The following MAPKAP1 variants were observed in gnomAD, a reference collection of about 807,000 sequenced individuals.
MAPKAP1 encodes the protein MAPK associated protein 1, also known as target of rapamycin complex 2 subunit MAPKAP1.
MAPKAP1 carries 20 observed loss-of-function variants against 65.7 expected under a neutral mutation model. That is an observed-to-expected ratio of 0.30 (90% CI 0.21 to 0.44). The LOEUF (loss-of-function observed/expected upper bound fraction) is 0.44, where lower values mean the gene tolerates loss of function less well. MAPKAP1 is among the 20% of genes least tolerant of loss of function. MAPKAP1 has a pLI of 1.00. For missense variants in MAPKAP1, 423 were observed against 648.0 expected (o/e 0.65, Z 3.77); for synonymous variants, 222 against 244.3 (o/e 0.91, Z 0.85).
chr9:125,545,031 C>A (rs1334656218), intron 6 of MAPKAP1, among the ~76,000 whole-genome samples: 1 of 152,220 alleles, frequency 6.6e-6, no homozygotes, highest in Non-Finnish European at 1.5e-5. Context: ...CGATGCTGGT[C>A]TGGCCAGCAC....
chr9:125,677,815 A>G (rs941582654), intron 1 of MAPKAP1, among the ~76,000 whole-genome samples: 1 of 152,188 alleles, frequency 6.6e-6, no homozygotes, highest in Non-Finnish European at 1.5e-5. Flanking sequence ...ACTTTTTAAC[A>G]CCACGTTCTT....
Position 125,672,361 on chromosome 9 carries a change from T to C in MAPKAP1, c.214A>G (p.Ile72Val). 6.2e-7 allele frequency: 1 copy of C among 1,614,218 alleles called. No individual in the cohort carries two copies. Among genetic ancestry groups the C allele is most frequent in the Non-Finnish European group, 8.5e-7 (1 of 1,180,038 alleles). ...ATACCAAAGTCCCAACTTGAGGTAATATCGACTGACTGGGCATATACATAG... is the reference window on the plus strand; with the variant it reads ...ATACCAAAGTCCCAACTTGAGGTAACATCGACTGACTGGGCATATACATAG... Reference protein sequence around the residue: ...QGYVYAQSVDITSSWDFGIRR... With the variant: ...QGYVYAQSVDVTSSWDFGIRR... The change falls in exon 2 of 12, where the codon ATT becomes GTT. Residue 72 changes from isoleucine to valine, a missense_variant. Ile to Val is a conservative substitution (Grantham distance 29, BLOSUM62 3). Transcript: ENST00000265960.
At chr9:125,492,937 T>A (rs1165467460) in intron 8 of MAPKAP1, among the ~76,000 whole-genome samples, 1 of 152,208 alleles carries the variant, frequency 6.6e-6, no homozygotes, top group Non-Finnish European at 1.5e-5. Context: ...TTTAGGGGGA[T>A]GGCAGTGTTC....
intron 3 of MAPKAP1, among the ~76,000 whole-genome samples, chr9:125,664,348 A>C (rs1007167225): frequency 6.6e-6 from 1 of 151,430 alleles, no homozygotes; most frequent in African/African-American, 2.4e-5. Flanking sequence ...ACTCCGTCTC[A>C]AAAAAAATAA....
chr9:125,500,485 G>T (rs112135875), intron 8 of MAPKAP1, among the ~76,000 whole-genome samples: 23 of 152,038 alleles, frequency 1.5e-4, no homozygotes, highest in Non-Finnish European at 3.4e-4. Context: ...GAGCCATCAC[G>T]CCGGCCCCCA....
chr9:125,642,294 T>C lies in MAPKAP1; in HGVS notation c.498+15357A>G, dbSNP rs532564814. Among the ~76,000 whole-genome samples the C allele has an allele frequency of 4.8e-4, 73 of 152,246 alleles. 1 individual carries two copies. The highest frequency in any genetic ancestry group is 1.6e-3 in the African/African-American group (67 of 41,538). On this transcript the variant is annotated intron_variant, in intron 4 of 11. Coordinates refer to ENST00000265960, the MANE Select transcript of MAPKAP1 (RefSeq NM_001006617.3). ...GTAATCTCTTTACATTTTGTGTACA[T>C]CCTTTCATACTTTTTTCTATGTGAA...
intron 5 of MAPKAP1, among the ~76,000 whole-genome samples, chr9:125,579,047 A>C (rs1758809648): frequency 6.6e-6 from 1 of 152,246 alleles, no homozygotes; most frequent in Non-Finnish European, 1.5e-5. Flanking sequence ...AACAAAGTCT[A>C]AATTTTAAAA....
At chr9:125,592,686 C>T (rs1265992601) in intron 4 of MAPKAP1, among the ~76,000 whole-genome samples, 2 of 148,948 alleles carry the variant, frequency 1.3e-5, no homozygotes, top group Admixed American at 6.7e-5. Flanking sequence ...GGGCAGATCA[C>T]GAGGTCAGGA....
Position 125,521,408 on chromosome 9 carries a change from C to T in MAPKAP1, c.959-14991G>A, listed in dbSNP as rs182726457. The T allele has an allele frequency of 9.7e-4, 956 of 982,440 alleles. 5 individuals carry two copies. The African/African-American group carries it at 0.015, about 15-fold the overall frequency. 60.9% of individuals were successfully genotyped at this position (982,440 alleles called of 1,614,324 possible). ...AATCTGTTTCTCTTAACTTGAGTCA[C>T]TGTGACAATACCAAATTTTACATAC... On this transcript the variant is annotated intron_variant, in intron 7 of 11. Transcript: ENST00000265960.
At chr9:125,529,189 A>G (rs1048575364) in intron 7 of MAPKAP1, among the ~76,000 whole-genome samples, 1 of 151,330 alleles carries the variant, frequency 6.6e-6, no homozygotes, top group Non-Finnish European at 1.5e-5. Context: ...AAAAAAAAAA[A>G]AAAAAAAGAA....
intron 7 of MAPKAP1, among the ~76,000 whole-genome samples, chr9:125,519,168 G>A (rs1829547097): frequency 6.6e-6 from 1 of 152,110 alleles, no homozygotes. Context: ...TGGCTCTGGA[G>A]AGAGACCTAA....
chr9:125,563,923 G>C (rs745742200), intron 5 of MAPKAP1, among the ~76,000 whole-genome samples: 8 of 152,186 alleles, frequency 5.3e-5, no homozygotes, highest in African/African-American at 1.9e-4. Flanking sequence ...ATGTTGGCCA[G>C]GCTGGTCTCG....
intron 9 of MAPKAP1, among the ~76,000 whole-genome samples, chr9:125,481,322 G>A (rs746570384): frequency 2.0e-5 from 3 of 151,980 alleles, no homozygotes; most frequent in Non-Finnish European, 4.4e-5. Context: ...CCAAGGCAGC[G>A]CTTTTCACAC....
chr9:125,689,110 AGG>A (rs1835077306), intron 1 of MAPKAP1, among the ~76,000 whole-genome samples: 1 of 152,130 alleles, frequency 6.6e-6, no homozygotes, highest in Non-Finnish European at 1.5e-5. Context: ...CAGTCAAGCA[AGG>A]GGTTAAAGAC....
chr9:125,558,701 A>C (rs1478256571), intron 6 of MAPKAP1, among the ~76,000 whole-genome samples: 1 of 152,228 alleles, frequency 6.6e-6, no homozygotes, highest in African/African-American at 2.4e-5. Flanking sequence ...GGTTGAAAAA[A>C]AGCTTAGGTT....
At chr9:125,451,057 C>A (rs545428685) in intron 10 of MAPKAP1, 1 of 152,366 alleles carries the variant, frequency 6.6e-6, no homozygotes, top group Non-Finnish European at 1.5e-5. Flanking sequence ...GACCTACTTA[C>A]ATTTCTGCCT....
chr9:125,642,689 C>T (rs751155676), intron 4 of MAPKAP1, among the ~76,000 whole-genome samples: 37 of 152,226 alleles, frequency 2.4e-4, no homozygotes, highest in Admixed American at 1.3e-4. Context: ...TCCCCTTGCA[C>T]ATGCAGGAGT....
intron 1 of MAPKAP1, chr9:125,696,138 C>T (rs1408711903): frequency 6.6e-6 from 1 of 152,140 alleles, no homozygotes; most frequent in East Asian, 1.9e-4. Context: ...TCCAAACAAA[C>T]GTGATCTTCA....
At chr9:125,528,484 G>C (rs549851949) in intron 7 of MAPKAP1, among the ~76,000 whole-genome samples, 95 of 152,214 alleles carry the variant, frequency 6.2e-4, no homozygotes, top group Non-Finnish European at 1.6e-4. Flanking sequence ...CCTGAGCCTG[G>C]GAGCCAGAGA....
Sources: allele counts gnomAD v4.1 joint callset (sites outside exome capture counted in the v4.1 genomes callset), GRCh38; gene constraint gnomAD v4.1.1; transcripts MANE v1.5; gene names NCBI Gene and HGNC (gene_info 2026-07-23, HGNC 2026-07-21).